Variants in SORCS1 observed in about 807,000 individuals in gnomAD.
The protein encoded by SORCS1 is VPS10 domain-containing receptor SorCS1.
SORCS1 carries 60 observed loss-of-function variants against 146.1 expected under a neutral mutation model. The ratio of observed to expected loss-of-function variants is 0.41; its 90% CI spans 0.33 to 0.51. The LOEUF (loss-of-function observed/expected upper bound fraction) is 0.51. Among genes scored for constraint, SORCS1 ranks in the 20% least tolerant of loss-of-function variants. The probability of loss-of-function intolerance (pLI) is 0.21; values close to 1 mark genes in which losing one functional copy is unlikely to be tolerated. For synonymous variants in SORCS1, 637 were observed against 584.0 expected (o/e 1.09, Z -1.31); for missense variants, 1,352 against 1,487.6 (o/e 0.91, Z 1.50).
chr10:107,094,067 C>G lies in SORCS1; in HGVS notation c.558+69902G>C, dbSNP rs551350619. On this transcript the variant is annotated intron_variant, in intron 1 of 25. Transcript: ENST00000263054. ...CTTCTCCCAGACTTTCTAACATTCT[C>G]CCTTACTTTATTTTCTCCATAACAG... 2.0e-5 allele frequency among the ~76,000 whole-genome samples: 3 copies of G among 152,262 alleles called. No homozygotes were observed. In the South Asian group the frequency reaches 6.2e-4, roughly 32 times the overall value.
intron 1 of SORCS1, among the ~76,000 whole-genome samples, chr10:107,065,707 G>C (rs1961784425): frequency 6.6e-6 from 1 of 151,902 alleles, no homozygotes; most frequent in Non-Finnish European, 1.5e-5. Flanking sequence ...TGGCAGAGAT[G>C]GGGTTTCTCT....
At chr10:106,893,043 C>T (rs527286942) in intron 2 of SORCS1, among the ~76,000 whole-genome samples, 25 of 151,664 alleles carry the variant, frequency 1.6e-4, no homozygotes, top group South Asian at 8.3e-4. Flanking sequence ...TACATGTGCC[C>T]GCCACCACGC....
chr10:107,136,303 G>A (rs1171932671), intron 1 of SORCS1, among the ~76,000 whole-genome samples: 1 of 152,172 alleles, frequency 6.6e-6, no homozygotes, highest in Non-Finnish European at 1.5e-5. Context: ...CTTCATACAA[G>A]TGACCTTCTG....
At chr10:107,013,921 A>G (rs1457987163) in intron 1 of SORCS1, among the ~76,000 whole-genome samples, 1 of 152,130 alleles carries the variant, frequency 6.6e-6, no homozygotes, top group Non-Finnish European at 1.5e-5. Flanking sequence ...GCCACAGAGA[A>G]GGCCCACCCA....
chr10:107,010,790 A>T (rs1188939267), intron 1 of SORCS1, among the ~76,000 whole-genome samples: 1 of 152,202 alleles, frequency 6.6e-6, no homozygotes, highest in Non-Finnish European at 1.5e-5. Context: ...ATAACAGGCA[A>T]TCGCAGTGTC....
chr10:106,654,463 C>T (rs112469638), intron 17 of SORCS1, among the ~76,000 whole-genome samples: 26 of 152,294 alleles, frequency 1.7e-4, no homozygotes, highest in African/African-American at 4.1e-4. Flanking sequence ...AGAATCCTTA[C>T]GATTTACTTG....
chr10:106,618,009 T>C, intron 21 of SORCS1, 140 bp downstream of exon 21: 1 of 1,071,452 alleles, frequency 9.3e-7, no homozygotes, highest in Non-Finnish European at 1.3e-6. Context: ...AAGATGAGAC[T>C]CGCCTCAGCT....
chr10:107,051,115 G>T (rs1960065679), intron 1 of SORCS1, among the ~76,000 whole-genome samples: 1 of 152,072 alleles, frequency 6.6e-6, no homozygotes, highest in Non-Finnish European at 1.5e-5. Context: ...CAGTAAGCAA[G>T]AAAGTCTAGA....
chr10:106,928,956 T>C (rs1228730819), intron 2 of SORCS1, among the ~76,000 whole-genome samples: 2 of 151,170 alleles, frequency 1.3e-5, no homozygotes, highest in East Asian at 3.9e-4. Flanking sequence ...AAATTATATA[T>C]ATAATTTTAT....
chr10:106,778,158 C>G (rs1485225649), intron 3 of SORCS1, among the ~76,000 whole-genome samples: 1 of 152,042 alleles, frequency 6.6e-6, no homozygotes, highest in African/African-American at 2.4e-5. Flanking sequence ...GGATTGCATG[C>G]CAGACACTCT....
chr10:106,830,644 C>T (rs1017190335), intron 2 of SORCS1, among the ~76,000 whole-genome samples: 8 of 148,578 alleles, frequency 5.4e-5, no homozygotes, highest in African/African-American at 1.8e-4. Context: ...GCCTGTAATA[C>T]CAGCACTTTA....
chr10:106,840,224 A>C (rs1418910841), intron 2 of SORCS1, among the ~76,000 whole-genome samples: 1 of 152,244 alleles, frequency 6.6e-6, no homozygotes, highest in Non-Finnish European at 1.5e-5. Context: ...CCATTCTAGA[A>C]GCCATTAAGA....
intron 1 of SORCS1, among the ~76,000 whole-genome samples, chr10:106,980,471 C>T (rs968993739): frequency 1.3e-5 from 2 of 152,228 alleles, no homozygotes; most frequent in Admixed American, 6.5e-5. Context: ...TATAAATTCT[C>T]AGTCCCTGCC....
In SORCS1 at chr10:106,599,701, A is replaced by T. The variant is rs1049285008; in HGVS notation, c.3166-2251T>A. 2.0e-5 allele frequency among the ~76,000 whole-genome samples: 3 copies of T among 152,046 alleles called. No homozygotes were observed. The East Asian group carries it at 5.8e-4, about 29-fold the overall frequency. The stretch of plus-strand genomic sequence containing the variant: ...TATCACATGGACTAAAGGGAACTAC[A>T]TGTATTTGTGGGAGAAAGACTCCCC... On this transcript the variant is annotated intron_variant, in intron 23 of 25. Coordinates refer to ENST00000263054, the MANE Select transcript of SORCS1 (RefSeq NM_052918.5).
chr10:106,642,974 C>T (rs1849170763), intron 18 of SORCS1, among the ~76,000 whole-genome samples: 1 of 152,226 alleles, frequency 6.6e-6, no homozygotes, highest in South Asian at 2.1e-4. Context: ...TTTCTTTCTA[C>T]TCCTTGATCT....
At chr10:106,843,819 G>A (rs186727980) in intron 2 of SORCS1, among the ~76,000 whole-genome samples, 6 of 152,274 alleles carry the variant, frequency 3.9e-5, no homozygotes, top group Non-Finnish European at 8.8e-5. Context: ...AGACACTTAG[G>A]TTGTTTCCGT....
intron 1 of SORCS1, among the ~76,000 whole-genome samples, chr10:106,968,596 C>G (rs1571353): frequency 0.036 from 5,507 of 152,198 alleles, 297 homozygotes; most frequent in African/African-American, 0.12. Context: ...CTGAAGAAGT[C>G]AACTCAATTC....
intron 1 of SORCS1, among the ~76,000 whole-genome samples, chr10:107,109,828 C>A (rs940332747): frequency 3.9e-5 from 6 of 152,134 alleles, no homozygotes; most frequent in Admixed American, 2.0e-4. Context: ...AACTTTAAGT[C>A]ATTTCTTTGC....
rs568122899 is a variant in SORCS1, at chr10:106,845,906, T to C, written c.627-16233A>G. Reference sequence around the variant, plus strand: ...TCAGATAGTTGTAGGTATGTGGCGTTATTTCTGAGGGCTCTGTTCTGTTCC... The same window carrying C: ...TCAGATAGTTGTAGGTATGTGGCGTCATTTCTGAGGGCTCTGTTCTGTTCC... On this transcript the variant is annotated intron_variant, in intron 2 of 25. Transcript: ENST00000263054. Among the ~76,000 whole-genome samples, 191 of 116,796 alleles carry C rather than the reference T, an allele frequency of 1.6e-3. 7 individuals are homozygous for C. Among genetic ancestry groups the C allele is most frequent in the African/African-American group, 2.5e-3 (94 of 37,154 alleles). 76.6% of individuals were successfully genotyped at this position (116,796 alleles called of 152,430 possible).
Sources: allele counts gnomAD v4.1 joint callset (sites outside exome capture counted in the v4.1 genomes callset), GRCh38; gene constraint gnomAD v4.1.1; transcripts MANE v1.5; gene names NCBI Gene and HGNC (gene_info 2026-07-23, HGNC 2026-07-21).